The following ZFP1 variants were observed in gnomAD, a reference collection of about 807,000 sequenced individuals.
ZFP1 encodes the protein zinc finger protein 1 homolog.
In ZFP1, 32 loss-of-function variants were observed where a neutral mutation model predicts 38.5. The observed-to-expected ratio is 0.83, with a 90% CI of 0.63 to 1.12. The LOEUF is 1.12. Ranked by LOEUF, ZFP1 falls within the 50% of genes most tolerant of loss-of-function variation. The pLI is 0.00. For synonymous variants in ZFP1, 245 were observed against 168.8 expected, an observed-to-expected ratio of 1.45 and a Z score of -3.50; for missense variants, 616 against 480.8, an observed-to-expected ratio of 1.28 and a Z score of -2.63.
At chr16:75,154,181 G>A (rs2037353262) in intron 2 of ZFP1, among the ~76,000 whole-genome samples, 3 of 151,810 alleles carry the variant, frequency 2.0e-5, no homozygotes, top group South Asian at 4.2e-4. Flanking sequence ...CTGAGATCGC[G>A]CCACTGAACT....
chr16:75,165,829 C>G (rs938592527), intron 2 of ZFP1, among the ~76,000 whole-genome samples: 1 of 151,776 alleles, frequency 6.6e-6, no homozygotes, highest in African/African-American at 2.4e-5. Context: ...AATATTGTTT[C>G]CACTGCCTCT....
At chr16:75,119,795 A>C in the ZFP1 span, among the ~76,000 whole-genome samples, 19 of 152,346 alleles carry the variant, frequency 1.2e-4, 2 homozygotes, top group South Asian at 1.0e-3. Context: ...TTGATCAAAT[A>C]CAAAGGAAGT....
intron 3 of ZFP1, among the ~76,000 whole-genome samples, chr16:75,168,779 C>T (rs547758806): frequency 1.3e-5 from 2 of 152,280 alleles, no homozygotes; most frequent in South Asian, 2.1e-4. Flanking sequence ...ACTATGCAGA[C>T]TGGTGCTGGT....
At chr16:75,166,976 T>C (rs2038123908) in intron 3 of ZFP1, 80 bp downstream of exon 3, 1 of 1,536,914 alleles carries the variant, frequency 6.5e-7, no homozygotes, top group Non-Finnish European at 8.7e-7. Flanking sequence ...AATGAGCTTC[T>C]GAATTACTAA....
At position 75,170,130 on chromosome 16, in the gene ZFP1, C is replaced by A. The variant is rs2038343889; in HGVS notation, c.1020C>A (p.Ile340=). The A allele has an allele frequency of 8.7e-6, 14 of 1,614,020 alleles. No individual in the cohort carries two copies. The highest frequency in any genetic ancestry group is 1.2e-5 in the Non-Finnish European group (14 of 1,179,938). Residue 340 remains isoleucine, a synonymous_variant, in exon 4 of 4, where the codon ATC becomes ATA. Transcript: ENST00000570010. ...GKSFIQNSQL[I]IHMRTHTGEK... Reference sequence around the variant, plus strand: ...CCTTTATCCAGAACTCACAGCTCATCATACACATGAGAACTCATACAGGAG... The same window carrying A: ...CCTTTATCCAGAACTCACAGCTCATAATACACATGAGAACTCATACAGGAG...
At chr16:75,168,887 C>T (rs1035196219) in intron 3 of ZFP1, among the ~76,000 whole-genome samples, 3 of 152,160 alleles carry the variant, frequency 2.0e-5, no homozygotes, top group Admixed American at 6.6e-5. Context: ...TTCTCGGTCT[C>T]TGTGCTAACT....
the ZFP1 span, chr16:75,128,040 A>G: frequency 3.3e-5 from 5 of 152,232 alleles, no homozygotes; most frequent in African/African-American, 4.8e-5. Flanking sequence ...CATTGGAGAA[A>G]CTAGTTATTT....
the ZFP1 span, among the ~76,000 whole-genome samples, chr16:75,131,055 G>C: frequency 1.3e-5 from 2 of 152,072 alleles, no homozygotes; most frequent in South Asian, 4.1e-4. Flanking sequence ...CTAAGATCCA[G>C]CTTTCCTTTC....
rs539250549 is a variant in ZFP1 at position 75,166,512 on chromosome 16, A to G, written c.16-258A>G. 1.1e-5 allele frequency: 11 copies of G among 984,310 alleles called. No individual in the cohort carries two copies. The African/African-American group carries it at 1.9e-4, about 17-fold the overall frequency. The allele number at this position is 984,310 out of a possible 1,614,324, so 61.0% of individuals were successfully genotyped here. ...CCAAAGTGCTGGGATTACAGGTGTG[A>G]GCCACTATGCCTGGCCAATAGTGTT... On this transcript the variant is annotated intron_variant, in intron 2 of 3. Coordinates refer to ENST00000570010, the MANE Select transcript of ZFP1 (RefSeq NM_153688.4).
intron 2 of ZFP1, 35 bp downstream of exon 2, chr16:75,153,001 A>G: frequency 6.2e-7 from 1 of 1,612,422 alleles, no homozygotes; most frequent in Non-Finnish European, 8.5e-7. Flanking sequence ...TTTGCTTTTC[A>G]GTGCATTTAA....
chr16:75,122,178 G>C, the ZFP1 span, among the ~76,000 whole-genome samples: 4 of 152,364 alleles, frequency 2.6e-5, no homozygotes, highest in South Asian at 4.1e-4. Flanking sequence ...TTGGACAGGG[G>C]AGGGGCAGGA....
At chr16:75,166,328 G>T (rs916060509) in intron 2 of ZFP1, among the ~76,000 whole-genome samples, 5 of 152,174 alleles carry the variant, frequency 3.3e-5, no homozygotes, top group African/African-American at 4.8e-5. Context: ...TGCCTCCCGG[G>T]TTTAAGCAGT....
At chr16:75,158,335 T>C (rs2037570869) in intron 2 of ZFP1, among the ~76,000 whole-genome samples, 1 of 147,398 alleles carries the variant, frequency 6.8e-6, no homozygotes. Context: ...TTTCTGTCTA[T>C]TTTTTTTTTT....
At chr16:75,152,298 C>A (rs1222939092) in intron 1 of ZFP1, among the ~76,000 whole-genome samples, 3 of 152,070 alleles carry the variant, frequency 2.0e-5, no homozygotes, top group Non-Finnish European at 4.4e-5. Context: ...TCAAATACTT[C>A]TTTTCTCCTT....
In ZFP1 at chr16:75,163,473, G is replaced by T. The variant is rs574636851; in HGVS notation, c.16-3297G>T. Among the ~76,000 whole-genome samples the T allele has an allele frequency of 7.3e-5, 11 of 151,608 alleles. No homozygotes were observed. The East Asian group carries it at 7.8e-4, about 11-fold the overall frequency. On this transcript the variant is annotated intron_variant, in intron 2 of 3. Transcript: ENST00000570010. ...ACTACAGGTGCCCACCACCATGCCC[G>T]GCTAATTTTTGTATTTTTAGTAGAG... is the stretch of plus-strand genomic sequence containing the variant.
At chr16:75,134,731 A>G in the ZFP1 span, among the ~76,000 whole-genome samples, 1 of 143,618 alleles carries the variant, frequency 7.0e-6, no homozygotes, top group East Asian at 2.1e-4. Flanking sequence ...AGCCTGGGCA[A>G]CACAGCAAGT....
At chr16:75,128,944 C>T in the ZFP1 span, among the ~76,000 whole-genome samples, 15 of 152,164 alleles carry the variant, frequency 9.9e-5, no homozygotes, top group African/African-American at 3.1e-4. Flanking sequence ...GAGTGCACCA[C>T]CACGCCTGGC....
chr16:75,159,379 T>TC (rs2037645675), intron 2 of ZFP1, among the ~76,000 whole-genome samples: 1 of 22,516 alleles, frequency 4.4e-5, no homozygotes, highest in African/African-American at 1.1e-4. Flanking sequence ...CTCCCTCCCT[T>TC]CCTTCCTTTC....
chr16:75,153,632 C>A (rs964832520), intron 2 of ZFP1, among the ~76,000 whole-genome samples: 1 of 152,100 alleles, frequency 6.6e-6, no homozygotes, highest in Non-Finnish European at 1.5e-5. Flanking sequence ...CCAACCCCTA[C>A]CCCCAGTTTC....
Sources: allele counts gnomAD v4.1 joint callset (sites outside exome capture counted in the v4.1 genomes callset), GRCh38; gene constraint gnomAD v4.1.1; transcripts MANE v1.5; gene names NCBI Gene and HGNC (gene_info 2026-07-23, HGNC 2026-07-21).